Variants in CDH13 observed in about 807,000 individuals in gnomAD.
CDH13 encodes cadherin-13.
Under a neutral mutation model 63.8 loss-of-function variants are expected in CDH13, and 24 were observed. That is an observed-to-expected ratio of 0.38 (90% CI 0.27 to 0.53). The LOEUF is 0.53. Among genes scored for constraint, CDH13 ranks in the 20% least tolerant of loss-of-function variants. The pLI, the probability that CDH13 is intolerant of heterozygous loss-of-function variation, is 0.85. For synonymous variants in CDH13, 503 were observed against 355.3 expected (o/e 1.42, Z -4.67); for missense variants, 1,049 against 903.1 (o/e 1.16, Z -2.07).
chr16:82,882,509 G>A (rs934985058), intron 2 of CDH13, among the ~76,000 whole-genome samples: 1 of 152,196 alleles, frequency 6.6e-6, no homozygotes, highest in Non-Finnish European at 1.5e-5. Flanking sequence ...CATGGTCACC[G>A]CTGCAGGGTA....
intron 7 of CDH13, among the ~76,000 whole-genome samples, chr16:83,490,850 C>T (rs2073998204): frequency 6.6e-6 from 1 of 152,220 alleles, no homozygotes; most frequent in African/African-American, 2.4e-5. Flanking sequence ...CCATTACACG[C>T]TCATCCATTT....
At chr16:83,276,412 G>C (rs556227423) in intron 5 of CDH13, among the ~76,000 whole-genome samples, 20 of 152,128 alleles carry the variant, frequency 1.3e-4, no homozygotes, top group Non-Finnish European at 2.4e-4. Context: ...TTGAGCCAGT[G>C]ATTGCCTCTC....
intron 6 of CDH13, among the ~76,000 whole-genome samples, chr16:83,373,273 A>G (rs940554409): frequency 2.0e-5 from 3 of 152,208 alleles, no homozygotes; most frequent in Admixed American, 2.0e-4. Context: ...ATTGCAAAGG[A>G]TAGGAGCATA....
chr16:83,325,090 G>A (rs1053494432), intron 5 of CDH13, among the ~76,000 whole-genome samples: 3 of 152,104 alleles, frequency 2.0e-5, no homozygotes, highest in Non-Finnish European at 2.9e-5. Flanking sequence ...GCCTTCATCC[G>A]CAATCTAAAT....
chr16:83,635,578 G>A (rs1019473035), intron 8 of CDH13, among the ~76,000 whole-genome samples: 9 of 151,888 alleles, frequency 5.9e-5, no homozygotes, highest in Admixed American at 6.6e-5. Flanking sequence ...TCCTGACCTC[G>A]TGATCTGCCT....
chr16:83,543,010 C>A (rs534140162), intron 7 of CDH13, among the ~76,000 whole-genome samples: 9 of 152,340 alleles, frequency 5.9e-5, no homozygotes, highest in South Asian at 2.1e-4. Flanking sequence ...GGTCTAGCAA[C>A]CCCAGCTTGA....
chr16:83,398,660 T>C (rs919463891), intron 6 of CDH13, among the ~76,000 whole-genome samples: 2 of 152,172 alleles, frequency 1.3e-5, no homozygotes, highest in African/African-American at 2.4e-5. Context: ...AGATTATGCT[T>C]TTTTGTACTT....
At chr16:83,081,031 G>A (rs770238577) in intron 3 of CDH13, among the ~76,000 whole-genome samples, 1 of 151,562 alleles carries the variant, frequency 6.6e-6, no homozygotes, top group Non-Finnish European at 1.5e-5. Flanking sequence ...ACAGGCATGC[G>A]CCACCAGGCC....
At chr16:82,972,377 C>G (rs968558526) in intron 2 of CDH13, among the ~76,000 whole-genome samples, 1 of 152,150 alleles carries the variant, frequency 6.6e-6, no homozygotes, top group Non-Finnish European at 1.5e-5. Flanking sequence ...TTGTTCATTC[C>G]ATTTCTGCAG....
At chr16:83,532,855 A>T (rs1400908180) in intron 7 of CDH13, among the ~76,000 whole-genome samples, 1 of 152,234 alleles carries the variant, frequency 6.6e-6, no homozygotes, top group Non-Finnish European at 1.5e-5. Flanking sequence ...TTGTGCCAAC[A>T]TCCCGGCAGA....
chr16:83,146,638 T>G lies in CDH13; in HGVS notation c.483+21137T>G, dbSNP rs868754478. ...GTATGTCACGTTAACCAGAATGGTATTCAACAGGCATCCCTAACTGCAGCA... is the reference window on the plus strand; with the variant it reads ...GTATGTCACGTTAACCAGAATGGTAGTCAACAGGCATCCCTAACTGCAGCA... On this transcript the variant is annotated intron_variant, in intron 4 of 13. Coordinates refer to ENST00000567109, the MANE Select transcript of CDH13 (RefSeq NM_001257.5). Among the ~76,000 whole-genome samples the G allele has an allele frequency of 2.6e-5, 4 of 152,380 alleles. No homozygotes were observed. The South Asian group carries it at 8.3e-4, about 32-fold the overall frequency.
chr16:83,564,470 A>T (rs1175962191), intron 7 of CDH13, among the ~76,000 whole-genome samples: 1 of 147,322 alleles, frequency 6.8e-6, no homozygotes, highest in African/African-American at 2.5e-5. Flanking sequence ...GTGCAATGGC[A>T]CAATCTCAGC....
chr16:83,431,389 C>G (rs1178339169), intron 6 of CDH13, among the ~76,000 whole-genome samples: 1 of 151,876 alleles, frequency 6.6e-6, no homozygotes, highest in Non-Finnish European at 1.5e-5. Context: ...TTATTTCATT[C>G]ATTCATCCAA....
intron 2 of CDH13, among the ~76,000 whole-genome samples, chr16:82,958,114 A>G (rs989385889): frequency 6.6e-6 from 1 of 152,152 alleles, no homozygotes; most frequent in African/African-American, 2.4e-5. Flanking sequence ...TGTGTGCCAT[A>G]CCTAACCTAA....
intron 7 of CDH13, among the ~76,000 whole-genome samples, chr16:83,585,302 C>T (rs916723464): frequency 7.2e-5 from 11 of 152,234 alleles, no homozygotes; most frequent in Admixed American, 5.9e-4. Flanking sequence ...CAAAGTAAGA[C>T]ACAACAGTAA....
chr16:82,666,220 T>A (rs774942874), intron 1 of CDH13, among the ~76,000 whole-genome samples: 1 of 152,216 alleles, frequency 6.6e-6, no homozygotes, highest in African/African-American at 2.4e-5. Context: ...TATTCATCTT[T>A]CCAAGCTCCT....
chr16:83,524,356 C>A (rs1598217507), intron 7 of CDH13, among the ~76,000 whole-genome samples: 1 of 150,228 alleles, frequency 6.7e-6, no homozygotes, highest in African/African-American at 2.4e-5. Flanking sequence ...GGGTTCTTTA[C>A]AATTGTAGGA....
chr16:83,633,175 T>C (rs903637067), intron 8 of CDH13, among the ~76,000 whole-genome samples: 3 of 151,832 alleles, frequency 2.0e-5, no homozygotes, highest in African/African-American at 7.3e-5. Flanking sequence ...TCTCATCCTG[T>C]GATTAAGAAT....
At chr16:83,234,918 C>T (rs1320511768) in intron 5 of CDH13, among the ~76,000 whole-genome samples, 2 of 152,162 alleles carry the variant, frequency 1.3e-5, no homozygotes, top group Admixed American at 6.5e-5. Flanking sequence ...TGGTTTGGGC[C>T]GGGCACCGTG....
Sources: gnomAD v4.1 joint callset for allele counts (sites outside exome capture counted in the v4.1 genomes callset) on GRCh38, gnomAD v4.1.1 for gene constraint, MANE v1.5 for transcripts, NCBI Gene and HGNC (gene_info 2026-07-23, HGNC 2026-07-21) for gene names.